Variants in TAOK2 observed in about 807,000 individuals in gnomAD.
The protein encoded by TAOK2 is serine/threonine-protein kinase TAO2.
Under a neutral mutation model 122.5 loss-of-function variants are expected in TAOK2, and 42 were observed. The observed-to-expected ratio is 0.34, with a 90% CI of 0.27 to 0.44. The LOEUF is 0.44. Among genes scored for constraint, TAOK2 ranks in the 20% least tolerant of loss-of-function variants. The pLI is 1.00. For synonymous variants in TAOK2, 704 were observed against 677.6 expected (o/e 1.04, Z -0.61); for missense variants, 1,264 against 1,644.9 (o/e 0.77, Z 4.01).
chr16:29,987,761 G>A lies in TAOK2; in HGVS notation c.3489G>A (p.Arg1163=), dbSNP rs747279971. The change falls in exon 16 of 16, where the codon CGG becomes CGA. Residue 1163 remains arginine, a synonymous_variant. Coordinates refer to ENST00000308893, the MANE Select transcript of TAOK2 (RefSeq NM_016151.4). ...LCKGWNWRLA[R]ASQGLASHLP... The stretch of plus-strand genomic sequence containing the variant: ...AGGGCTGGAACTGGCGTCTGGCACG[G>A]GCCAGCCAGGGTTTAGCATCCCACT... 3.1e-6 allele frequency: 5 copies of A among 1,614,008 alleles called. No homozygotes were observed. Among genetic ancestry groups the A allele is most frequent in the African/African-American group, 2.7e-5 (2 of 75,056 alleles).
chr16:29,974,778 C>G (rs1297120318), intron 1 of TAOK2, 130 bp downstream of exon 1: 2 of 152,442 alleles, frequency 1.3e-5, no homozygotes, highest in Admixed American at 6.5e-5. Context: ...AGTGGTCAGC[C>G]TCTGGCTAGC....
In TAOK2 at chr16:29,987,844, C is replaced by T; in HGVS notation, c.3572C>T (p.Pro1191Leu). The change falls in exon 16 of 16, where the codon CCC becomes CTC. Residue 1191 changes from proline to leucine, a missense_variant. Coordinates refer to ENST00000308893, the MANE Select transcript of TAOK2 (RefSeq NM_016151.4). ...TGGGGCCTGCTTCGGGGTGAACGGC[C>T]CACCCGAATCCCCCGGCTACTACCA... The part of the protein sequence containing the change: ...ASWGLLRGER[P>L]TRIPRLLPRS... 6.2e-7 allele frequency: 1 copy of T among 1,611,562 alleles called. No individual in the cohort carries two copies. Among genetic ancestry groups the T allele is most frequent in the Non-Finnish European group, 8.5e-7 (1 of 1,179,546 alleles).
chr16:29,990,947 G>A (rs200530357), downstream of TAOK2: 58 of 1,612,386 alleles, frequency 3.6e-5, no homozygotes, highest in East Asian at 1.1e-3. Context: ...GCGCTGCGGC[G>A]GGCACTGCTG....
At chr16:29,984,877 C>T (rs894016500) in intron 13 of TAOK2, among the ~76,000 whole-genome samples, 1 of 152,160 alleles carries the variant, frequency 6.6e-6, no homozygotes, top group East Asian at 1.9e-4. Flanking sequence ...GAGAAGTTAA[C>T]TTACTTGAGA....
intron 4 of TAOK2, 39 bp downstream of exon 4, chr16:29,978,392 A>G (rs551075097): frequency 7.5e-6 from 12 of 1,590,766 alleles, no homozygotes; most frequent in South Asian, 3.3e-5. Context: ...CTTTACTCCT[A>G]TTCATGCCCG....
chr16:29,986,822 G>C lies in TAOK2; in HGVS notation c.2550G>C (p.Arg850Ser), dbSNP rs139952928. The C allele has an allele frequency of 3.7e-6, 6 of 1,613,872 alleles. No individual in the cohort carries two copies. The highest frequency in any genetic ancestry group is 4.2e-6 in the Non-Finnish European group (5 of 1,179,956). Residue 850 changes from arginine (R) to serine (S), a missense_variant, in exon 16 of 16, where the codon AGG becomes AGC. Arg to Ser is a moderately radical substitution (Grantham distance 110). Coordinates refer to ENST00000308893, the MANE Select transcript of TAOK2 (RefSeq NM_016151.4). This position sits in a 1 kb window ranked among gnomAD's most constrained non-coding sequence, Gnocchi z 4.2. ...WGLPEEIEEL[R>S]VPSLVPQERS... ...TGCCTGAGGAGATAGAGGAGCTTAG[G>C]GTGCCCTCCCTTGTACCCCAGGAGA... is the stretch of plus-strand genomic sequence containing the variant.
In TAOK2 at chr16:29,987,383, C is replaced by T. The variant is rs766762698; in HGVS notation, c.3111C>T (p.Gly1037=). 1 of 1,604,402 alleles carries T rather than the reference C, an allele frequency of 6.2e-7. No homozygotes were observed. Among genetic ancestry groups the T allele is most frequent in the Non-Finnish European group, 8.5e-7 (1 of 1,174,164 alleles). ...TCCTGGGCCTGAGCTGGCGCCGAGG[C>T]CTCATGGGTGTTCCCCTGGGCCTTG... The part of the protein sequence containing the change: ...GAVLGLSWRR[G]LMGVPLGLGA... The change falls in exon 16 of 16, where the codon GGC becomes GGT. Residue 1037 remains glycine (G), a synonymous_variant. Coordinates refer to ENST00000308893, the MANE Select transcript of TAOK2 (RefSeq NM_016151.4).
At chr16:29,978,488 CT>C in intron 4 of TAOK2, 135 bp downstream of exon 4, 2 of 991,654 alleles carry the variant, frequency 2.0e-6, no homozygotes, top group Non-Finnish European at 1.6e-6. Flanking sequence ...CTTTTGACCG[CT>C]TTAGTCCTCA....
rs766089345 is a variant in TAOK2 at position 29,985,248 on chromosome 16, T to C, written c.1458T>C (p.Ser486=). The change falls in exon 14 of 16, where the codon TCT becomes TCC. Residue 486 remains serine (S), a synonymous_variant. Transcript: ENST00000308893. The surrounding 1 kb of genome is among the most constrained non-coding windows in gnomAD (Gnocchi z 6.9). ...AGATCCAGGAGCATGAGCAGGACTC[T>C]GCGCTGCGGGAGCAGCTGAGCGGCT... ...SRQIQEHEQD[S]ALREQLSGYK... The C allele has an allele frequency of 3.2e-6, 5 of 1,544,836 alleles. No individual in the cohort carries two copies. In the African/African-American group the frequency reaches 5.5e-5, roughly 17 times the overall value.
Position 29,987,159 on chromosome 16 carries a change from T to G in TAOK2, c.2887T>G (p.Ser963Ala). 1 of 1,572,256 alleles carries G rather than the reference T, an allele frequency of 6.4e-7. No homozygotes were observed. The highest frequency in any genetic ancestry group is 8.6e-7 in the Non-Finnish European group (1 of 1,163,782). ...CCTCTCCTTTGCAGTGGGGTCCTCC[T>G]CTGGCCTCCTGCCCCTCCTGCTGCT... is the stretch of plus-strand genomic sequence containing the variant. ...AGLSFAVGSS[S>A]GLLPLLLLLL... The change falls in exon 16 of 16, where the codon TCT becomes GCT. Residue 963 changes from serine to alanine, a missense_variant. Coordinates refer to ENST00000308893, the MANE Select transcript of TAOK2 (RefSeq NM_016151.4).
Position 29,981,951 on chromosome 16 carries a change from G to C in TAOK2, c.831+11G>C, listed in dbSNP as rs2150891780. The C allele has an allele frequency of 1.2e-6, 2 of 1,605,940 alleles. No individual in the cohort carries two copies. The highest frequency in any genetic ancestry group is 8.5e-7 in the Non-Finnish European group (1 of 1,173,852). ...GAGGTTCTCCTGAAGGTGAGGGCCT[G>C]CTGGCCTAGCATTCTCCTGGAACTG... On this transcript the variant is annotated intron_variant, in intron 10 of 15. Transcript: ENST00000308893.
downstream of TAOK2, chr16:29,988,506 G>A (rs72789284): frequency 1.5e-5 from 18 of 1,183,446 alleles, no homozygotes; most frequent in East Asian, 6.8e-5. Context: ...CCCCATCTCC[G>A]TTATCTCAGC....
rs1181418672 is a variant in TAOK2 at position 29,986,600 on chromosome 16, C to T, written c.2328C>T (p.Cys776=). 3 of 1,613,286 alleles carry T rather than the reference C, an allele frequency of 1.9e-6. No individual in the cohort carries two copies. Among genetic ancestry groups the T allele is most frequent in the East Asian group, 2.2e-5 (1 of 44,876 alleles). Residue 776 remains cysteine (C), a synonymous_variant, in exon 16 of 16, where the codon TGC becomes TGT. Coordinates refer to ENST00000308893, the MANE Select transcript of TAOK2 (RefSeq NM_016151.4). This position sits in a 1 kb window ranked among gnomAD's most constrained non-coding sequence, Gnocchi z 4.2. ...GCACCCCTATAGAACAGCAGCCCTG[C>T]TCACCTGGCCAGGAGGCAGTCCTGG... ...NTGTPIEQQP[C]SPGQEAVLDQ... is the part of the protein sequence containing the mutation.
rs546386061 is a variant in TAOK2, at chr16:29,974,521, G to A, written c.-163G>A. 2 of 152,722 alleles carry A rather than the reference G, an allele frequency of 1.3e-5. No individual in the cohort carries two copies. The highest frequency in any genetic ancestry group is 4.8e-5 in the African/African-American group (2 of 41,570). 9.5% of individuals were successfully genotyped at this position (152,722 alleles called of 1,614,324 possible). ...GAGGCTTCCCGGGCCCGCCCCTCAG[G>A]AAGGGCGAAAGCCGAGGAAGAGGTG... On this transcript the variant is annotated 5_prime_UTR_variant, in exon 1 of 16. Coordinates refer to ENST00000308893, the MANE Select transcript of TAOK2 (RefSeq NM_016151.4).
In TAOK2 at chr16:29,983,330, C is replaced by T. The variant is rs2069678516; in HGVS notation, c.1258C>T (p.Pro420Ser). 12 of 1,594,682 alleles carry T rather than the reference C, an allele frequency of 7.5e-6. No individual in the cohort carries two copies. Among genetic ancestry groups the T allele is most frequent in the Non-Finnish European group, 1.0e-5 (12 of 1,175,602 alleles). ...TCACAGCTCCATTATCCACCGGCTG[C>T]CGGTACACAGCTCACCCTTGGGGGA... is the stretch of plus-strand genomic sequence containing the variant. ...TSHSSIIHRL[P>S]GSDNLYDDPY... Residue 420 changes from proline to serine, a missense_variant and splice_region_variant, in exon 12 of 16, where the codon CCG (proline) becomes TCG (serine). Coordinates refer to ENST00000308893, the MANE Select transcript of TAOK2 (RefSeq NM_016151.4).
rs2069499626 is a variant in TAOK2, at chr16:29,977,757, GC to G, written c.-11del. 3.1e-6 allele frequency: 5 copies of G among 1,613,426 alleles called. No individual in the cohort carries two copies. Among genetic ancestry groups the G allele is most frequent in the African/African-American group, 1.3e-5 (1 of 74,850 alleles). On this transcript the variant is annotated 5_prime_UTR_variant, in exon 2 of 16. Coordinates refer to ENST00000308893, the MANE Select transcript of TAOK2 (RefSeq NM_016151.4). Reference sequence around the variant, plus strand: ...CCTCAGGCCAGGCCCCACTCTCAGGGCCCCCAGGGGCCACCATGCCAGCTGG... The same window carrying G: ...CCTCAGGCCAGGCCCCACTCTCAGGGCCCCAGGGGCCACCATGCCAGCTGG...
downstream of TAOK2, chr16:29,990,916 C>T (rs1227105014): frequency 5.6e-6 from 9 of 1,613,084 alleles, no homozygotes; most frequent in Admixed American, 5.0e-5. Context: ...GAGGGAGCTG[C>T]GGGAGCTGGA....
downstream of TAOK2, chr16:29,989,489 C>T (rs927568506): frequency 1.3e-5 from 20 of 1,562,162 alleles, no homozygotes; most frequent in Non-Finnish European, 1.6e-5. Flanking sequence ...CCTCTTCTCT[C>T]TCTTCTCCCC....
At position 29,986,542 on chromosome 16, in the gene TAOK2, C is replaced by T; in HGVS notation, c.2270C>T (p.Pro757Leu). 6.2e-7 allele frequency: 1 copy of T among 1,613,740 alleles called. No homozygotes were observed. The highest frequency in any genetic ancestry group is 8.5e-7 in the Non-Finnish European group (1 of 1,179,876). Reference sequence around the variant, plus strand: ...CAGCGCCCCCCGGGCCTTCCACTCCCCATTCCTGGGGCTCTGGGCCCACCC... The same window carrying T: ...CAGCGCCCCCCGGGCCTTCCACTCCTCATTCCTGGGGCTCTGGGCCCACCC... ...AGQRPPGLPLPIPGALGPPNT... is the reference protein window; with the variant it reads ...AGQRPPGLPLLIPGALGPPNT... Residue 757 changes from proline (P) to leucine (L), a missense_variant, in exon 16 of 16, where the codon CCC becomes CTC. Transcript: ENST00000308893. The surrounding 1 kb of genome is among the most constrained non-coding windows in gnomAD (Gnocchi z 4.2).
Sources: allele counts gnomAD v4.1 joint callset (sites outside exome capture counted in the v4.1 genomes callset), GRCh38; gene constraint gnomAD v4.1.1; non-coding constraint Gnocchi (gnomAD v3.1); transcripts MANE v1.5; gene names NCBI Gene and HGNC (gene_info 2026-07-23, HGNC 2026-07-21).